TMEM38B: variants seen among roughly 807,000 people sequenced by gnomAD.
The protein encoded by TMEM38B is trimeric intracellular cation channel type B.
TMEM38B carries 24 observed loss-of-function variants against 28.7 expected under a neutral mutation model. The observed-to-expected ratio is 0.84, with a 90% CI of 0.61 to 1.18. The LOEUF is 1.18. Among genes scored for constraint, TMEM38B ranks in the 50% most tolerant of loss-of-function variants. TMEM38B has a pLI of 0.00. For synonymous variants in TMEM38B, 131 were observed against 127.7 expected (o/e 1.03, Z -0.17); for missense variants, 380 against 350.9 (o/e 1.08, Z -0.66).
intron 4 of TMEM38B, among the ~76,000 whole-genome samples, chr9:105,728,304 C>T (rs1261677188): frequency 6.6e-6 from 1 of 151,090 alleles, no homozygotes; most frequent in East Asian, 1.9e-4. Context: ...CATGTGTTCT[C>T]ATTATTCAAC....
At chr9:105,717,552 A>T (rs1836151811) in intron 2 of TMEM38B, among the ~76,000 whole-genome samples, 1 of 152,194 alleles carries the variant, frequency 6.6e-6, no homozygotes, top group South Asian at 2.1e-4. Flanking sequence ...CACACACAAT[A>T]AGAATAAATC....
chr9:105,726,966 GT>G (rs1564397234), intron 4 of TMEM38B, among the ~76,000 whole-genome samples: 1 of 151,452 alleles, frequency 6.6e-6, no homozygotes, highest in Non-Finnish European at 1.5e-5. Context: ...ATTTTTACTG[GT>G]TGTACTAGCA....
intron 2 of TMEM38B, among the ~76,000 whole-genome samples, chr9:105,712,607 C>G (rs537485132): frequency 6.6e-6 from 1 of 152,324 alleles, no homozygotes; most frequent in Non-Finnish European, 1.5e-5. Context: ...TAAGAGGTCC[C>G]ATTTTGTGAC....
intron 5 of TMEM38B, among the ~76,000 whole-genome samples, chr9:105,753,614 G>C (rs527806973): frequency 6.6e-6 from 1 of 152,294 alleles, no homozygotes; most frequent in East Asian, 1.9e-4. Flanking sequence ...ACAAGCAAAT[G>C]CCGAGGGAAT....
chr9:105,710,311 TCTG>T, intron 2 of TMEM38B: 1 of 669,888 alleles, frequency 1.5e-6, no homozygotes, highest in Non-Finnish European at 2.7e-6. Context: ...CGGAATGGCT[TCTG>T]CTACTCTGTG....
chr9:105,694,893 G>T, intron 1 of TMEM38B, 121 bp downstream of exon 1: 1 of 798,676 alleles, frequency 1.3e-6, no homozygotes. Flanking sequence ...CAGACAGTTC[G>T]ATGGTAGAGT....
At chr9:105,701,622 G>A (rs188234636) in intron 1 of TMEM38B, 47 of 152,302 alleles carry the variant, frequency 3.1e-4, no homozygotes, top group African/African-American at 1.1e-3. Flanking sequence ...AGATCCATCT[G>A]TCTTATATTT....
chr9:105,704,798 C>T (rs1158421236), intron 1 of TMEM38B, among the ~76,000 whole-genome samples: 1 of 151,928 alleles, frequency 6.6e-6, no homozygotes, highest in East Asian at 1.9e-4. Flanking sequence ...GTGGCAGGTG[C>T]CTGTAGTCAC....
intron 5 of TMEM38B, chr9:105,758,092 C>T (rs550982545): frequency 3.0e-5 from 12 of 396,306 alleles, no homozygotes; most frequent in South Asian, 1.6e-4. Flanking sequence ...TGCTGAGACT[C>T]GCCACTGCCC....
chr9:105,733,163 C>T lies in TMEM38B; in HGVS notation c.542+10542C>T, dbSNP rs200097194. Among the ~76,000 whole-genome samples, 8 of 152,150 alleles carry T rather than the reference C, an allele frequency of 5.3e-5. No homozygotes were observed. In the East Asian group the frequency reaches 5.8e-4, roughly 11 times the overall value. On this transcript the variant is annotated intron_variant, in intron 4 of 5. Coordinates refer to ENST00000374692, the MANE Select transcript of TMEM38B (RefSeq NM_018112.3). ...AGTGTTTTGCTTCCAGTTATGTGGT[C>T]AATTTTAGAATAAGTGCGATGTGGT...
intron 2 of TMEM38B, chr9:105,710,453 C>T (rs1160673335): frequency 1.2e-5 from 17 of 1,404,540 alleles, no homozygotes; most frequent in African/African-American, 5.7e-5. Context: ...ATCATCATAG[C>T]GTGAAGAACT....
intron 1 of TMEM38B, among the ~76,000 whole-genome samples, chr9:105,696,330 G>C (rs1299377618): frequency 6.6e-6 from 1 of 152,096 alleles, no homozygotes; most frequent in African/African-American, 2.4e-5. Flanking sequence ...CTGTCGCCCA[G>C]GCTGAAGTGC....
chr9:105,709,091 A>G (rs1287641809), intron 2 of TMEM38B, among the ~76,000 whole-genome samples: 1 of 152,062 alleles, frequency 6.6e-6, no homozygotes, highest in Non-Finnish European at 1.5e-5. Context: ...AAATTTGGTG[A>G]ACATTTTCTC....
chr9:105,746,186 C>T lies in TMEM38B; in HGVS notation c.543-1887C>T, dbSNP rs1837384656. 1.3e-5 allele frequency among the ~76,000 whole-genome samples: 2 copies of T among 151,938 alleles called. 1 individual carries two copies. On this transcript the variant is annotated intron_variant, in intron 4 of 5. Transcript: ENST00000374692. ...TTAACTTGGGCAGTATGGCCATTTTCACGATATTGATTCTTCCTACTCATG... is the reference window on the plus strand; with the variant it reads ...TTAACTTGGGCAGTATGGCCATTTTTACGATATTGATTCTTCCTACTCATG...
chr9:105,710,913 C>T (rs575449815), intron 2 of TMEM38B: 17 of 265,038 alleles, frequency 6.4e-5, no homozygotes, highest in Non-Finnish European at 1.1e-4. Flanking sequence ...AGACTTCACT[C>T]CCACCTCCAC....
intron 5 of TMEM38B, among the ~76,000 whole-genome samples, chr9:105,749,768 A>G (rs1458811146): frequency 6.6e-6 from 1 of 152,200 alleles, no homozygotes; most frequent in Non-Finnish European, 1.5e-5. Flanking sequence ...TCCATTCATC[A>G]GTTGATGGAC....
chr9:105,694,549 A>C lies in TMEM38B; in HGVS notation c.-112A>C. ...CGCCAGGGCGCACGCGCGGAGCTGG[A>C]GCCGGCGCGGAGGAGCGGGCGGCCG... is the stretch of plus-strand genomic sequence containing the variant. On this transcript the variant is annotated 5_prime_UTR_variant, in exon 1 of 6. Coordinates refer to ENST00000374692, the MANE Select transcript of TMEM38B (RefSeq NM_018112.3). The C allele has an allele frequency of 1.5e-6, 1 of 680,416 alleles. No individual in the cohort carries two copies. Among genetic ancestry groups the C allele is most frequent in the Non-Finnish European group, 2.3e-6 (1 of 430,994 alleles). The allele number at this position is 680,416 out of a possible 1,614,324, so 42.1% of individuals were successfully genotyped here.
At chr9:105,746,418 C>T (rs1300065721) in intron 4 of TMEM38B, among the ~76,000 whole-genome samples, 5 of 152,138 alleles carry the variant, frequency 3.3e-5, no homozygotes, top group Non-Finnish European at 7.4e-5. Context: ...GATTTTTGCA[C>T]ATTGATTTTG....
intron 2 of TMEM38B, among the ~76,000 whole-genome samples, chr9:105,716,755 A>G (rs1836114354): frequency 6.6e-6 from 1 of 152,200 alleles, no homozygotes. Context: ...TTTCATGATG[A>G]TCCACTTCCA....
Sources: allele counts gnomAD v4.1 joint callset (sites outside exome capture counted in the v4.1 genomes callset), GRCh38; gene constraint gnomAD v4.1.1; transcripts MANE v1.5; gene names NCBI Gene and HGNC (gene_info 2026-07-23, HGNC 2026-07-21).